The following MYL12B variants were observed in gnomAD, a reference collection of about 807,000 sequenced individuals.
MYL12B encodes myosin regulatory light chain 12B.
A neutral mutation model predicts 12.9 loss-of-function variants in MYL12B; 3 were observed. That is an observed-to-expected ratio of 0.23 (90% CI 0.11 to 0.60). The LOEUF is 0.60. Ranked by LOEUF, MYL12B falls within the 20% of genes least tolerant of loss-of-function variation. The pLI is 0.89. For missense variants in MYL12B, 120 were observed against 215.4 expected (o/e 0.56, Z 2.77); for synonymous variants, 57 against 71.9 (o/e 0.79, Z 1.05).
chr18:3,274,694 A>G (rs888121744), intron 2 of MYL12B, among the ~76,000 whole-genome samples: 10 of 152,368 alleles, frequency 6.6e-5, no homozygotes, highest in African/African-American at 2.4e-4. Context: ...CAGTTGTTAC[A>G]GGCTCATACT....
At chr18:3,267,680 G>A (rs8096583) in intron 1 of MYL12B, among the ~76,000 whole-genome samples, 145,155 of 152,304 alleles carry the variant, frequency 0.95, 69,239 homozygotes, top group Non-Finnish European at 0.98. Flanking sequence ...TTATTACAGT[G>A]TATTATAATT....
At chr18:3,276,180 T>A (rs926795841) in intron 2 of MYL12B, among the ~76,000 whole-genome samples, 25 of 151,448 alleles carry the variant, frequency 1.7e-4, no homozygotes, top group African/African-American at 5.8e-4. Context: ...TAGACTTTTT[T>A]AAAAAAAGAA....
intron 2 of MYL12B, chr18:3,276,545 A>G: frequency 1.0e-6 from 1 of 985,326 alleles, no homozygotes. Context: ...GTGTTTGAAG[A>G]TATCTAACAT....
chr18:3,269,621 G>C (rs1285455220), intron 1 of MYL12B, among the ~76,000 whole-genome samples: 1 of 152,214 alleles, frequency 6.6e-6, no homozygotes, highest in Non-Finnish European at 1.5e-5. Flanking sequence ...TTGAGTCCAA[G>C]GCTCCAAGGA....
chr18:3,275,620 T>G (rs1052525967), intron 2 of MYL12B, among the ~76,000 whole-genome samples: 3 of 152,170 alleles, frequency 2.0e-5, no homozygotes, highest in African/African-American at 7.2e-5. Flanking sequence ...TAAATATGAA[T>G]TTTTAAAAGA....
At chr18:3,266,897 A>G (rs1035277239) in intron 1 of MYL12B, among the ~76,000 whole-genome samples, 1 of 152,198 alleles carries the variant, frequency 6.6e-6, no homozygotes, top group Non-Finnish European at 1.5e-5. Context: ...GAGGAAAATG[A>G]GGCCTGGGGA....
Position 3,277,967 on chromosome 18 carries a change from AT to A in MYL12B, c.*32del. On this transcript the variant is annotated 3_prime_UTR_variant, in exon 4 of 4. Coordinates refer to ENST00000237500, the MANE Select transcript of MYL12B (RefSeq NM_033546.4). ...ACTTTAGCTAAAATCTTCCAGTTAC[AT>A]TGTCTTACTCTCTTTTACTTCTCAG... 6.2e-7 allele frequency: 1 copy of A among 1,605,110 alleles called. No individual in the cohort carries two copies. The highest frequency in any genetic ancestry group is 8.5e-7 in the Non-Finnish European group (1 of 1,175,052).
intron 1 of MYL12B, among the ~76,000 whole-genome samples, chr18:3,266,561 G>T (rs141978025): frequency 6.7e-4 from 68 of 101,644 alleles, no homozygotes; most frequent in African/African-American, 2.3e-3. Context: ...GTGTTCTGAG[G>T]GGTCAGACAG....
At chr18:3,263,838 G>A (rs1424299471) in intron 1 of MYL12B, among the ~76,000 whole-genome samples, 2 of 152,158 alleles carry the variant, frequency 1.3e-5, no homozygotes, top group Non-Finnish European at 2.9e-5. Flanking sequence ...GGATGTTACT[G>A]GCTAGTGGTT....
At chr18:3,272,598 A>G (rs1486873923) in intron 1 of MYL12B, among the ~76,000 whole-genome samples, 1 of 152,210 alleles carries the variant, frequency 6.6e-6, no homozygotes, top group Non-Finnish European at 1.5e-5. Context: ...TCCTAGTCTC[A>G]AGTGAGCCTC....
chr18:3,274,454 C>T (rs888175897), intron 2 of MYL12B, among the ~76,000 whole-genome samples: 3 of 19,860 alleles, frequency 1.5e-4, no homozygotes, highest in South Asian at 2.0e-3. Flanking sequence ...GAACAATTTG[C>T]GAATCAGGTA....
chr18:3,264,091 G>T (rs2081617527), intron 1 of MYL12B, among the ~76,000 whole-genome samples: 3 of 152,180 alleles, frequency 2.0e-5, no homozygotes, highest in Admixed American at 1.3e-4. Context: ...CTTCTTCCAG[G>T]TATGGAGCAG....
chr18:3,276,051 A>G (rs1321331313), intron 2 of MYL12B, among the ~76,000 whole-genome samples: 1 of 151,976 alleles, frequency 6.6e-6, no homozygotes, highest in African/African-American at 2.4e-5. Flanking sequence ...AGTTGGGTAT[A>G]ATTTTGAGAT....
intron 2 of MYL12B, among the ~76,000 whole-genome samples, chr18:3,273,859 T>TTTC (rs2081704963): frequency 9.5e-6 from 1 of 104,864 alleles, no homozygotes; most frequent in Non-Finnish European, 2.5e-5. Flanking sequence ...GGGTTTTTTT[T>TTTC]TTCTCTCTTT....
chr18:3,275,617 G>C (rs7505835), intron 2 of MYL12B, among the ~76,000 whole-genome samples: 145,789 of 152,278 alleles, frequency 0.96, 69,860 homozygotes, highest in Non-Finnish European at 0.98. Context: ...AAATAAATAT[G>C]AATTTTTAAA....
At chr18:3,272,131 G>A in intron 1 of MYL12B, 1 of 985,338 alleles carries the variant, frequency 1.0e-6, no homozygotes, top group Non-Finnish European at 1.2e-6. Flanking sequence ...CTAGAAAGAT[G>A]AAAGGGTGGG....
intron 1 of MYL12B, among the ~76,000 whole-genome samples, chr18:3,270,194 G>A (rs1172905758): frequency 1.3e-5 from 2 of 152,272 alleles, no homozygotes; most frequent in East Asian, 3.9e-4. Flanking sequence ...TAATTTCTTT[G>A]GGGGCCAGAG....
rs1329669414 is a variant in MYL12B at position 3,265,661 on chromosome 18, A to T, written c.-16+3424A>T. On this transcript the variant is annotated intron_variant, in intron 1 of 3. Transcript: ENST00000237500. ...CAGCTCCTCCCTCCCCTCCCCAATT[A>T]CCTCATTTTTGAGTGGTAGCTTTAT... 2.6e-5 allele frequency among the ~76,000 whole-genome samples: 4 copies of T among 151,982 alleles called. No individual in the cohort carries two copies. The East Asian group carries it at 7.7e-4, about 29-fold the overall frequency.
chr18:3,272,815 T>C, intron 1 of MYL12B, 69 bp from the exon 2 acceptor site: 8 of 1,341,296 alleles, frequency 6.0e-6, no homozygotes, highest in Non-Finnish European at 8.0e-6. Context: ...TTAGGTATTA[T>C]GTATTCTGTT....
Sources: gnomAD v4.1 joint callset for allele counts (sites outside exome capture counted in the v4.1 genomes callset) on GRCh38, gnomAD v4.1.1 for gene constraint, MANE v1.5 for transcripts, NCBI Gene and HGNC (gene_info 2026-07-23, HGNC 2026-07-21) for gene names.